The following ACACB variants were observed in gnomAD, a reference collection of about 807,000 sequenced individuals.
The protein encoded by ACACB is acetyl-CoA carboxylase beta.
In ACACB, 209 loss-of-function variants were observed where a neutral mutation model predicts 278.8. That is an observed-to-expected ratio of 0.75 (90% CI 0.67 to 0.84). The LOEUF is 0.84. Among genes scored for constraint, ACACB ranks in the 40% least tolerant of loss-of-function variants. The probability of loss-of-function intolerance (pLI) is 0.00; values close to 1 mark genes in which losing one functional copy is unlikely to be tolerated. For synonymous variants in ACACB, 1,174 were observed against 1,285.6 expected, an observed-to-expected ratio of 0.91 and a Z score of 1.86; for missense variants, 2,850 against 3,269.0, an observed-to-expected ratio of 0.87 and a Z score of 3.13.
intron 21 of ACACB, among the ~76,000 whole-genome samples, chr12:109,212,475 T>C (rs2045876853): frequency 6.6e-6 from 1 of 152,134 alleles, no homozygotes; most frequent in Non-Finnish European, 1.5e-5. Flanking sequence ...GAAGGTCCCA[T>C]CTGGGGGTGA....
intron 17 of ACACB, 88 bp downstream of exon 17, chr12:109,197,241 G>T: frequency 6.8e-7 from 1 of 1,480,382 alleles, no homozygotes; most frequent in Non-Finnish European, 9.0e-7. Context: ...CCTGTGTGCA[G>T]GTCCAAGGGT....
In ACACB at chr12:109,233,609, T is replaced by C. The variant is rs923798696; in HGVS notation, c.4140-139T>C. ...AGTAGACAGGGAACCTCCTGAGCTC[T>C]GTAGAGTTGGATAAGATCAAAGGGT... On this transcript the variant is annotated intron_variant, in intron 29 of 52. Transcript: ENST00000338432. 2.1e-5 allele frequency: 15 copies of C among 697,742 alleles called. No individual in the cohort carries two copies. In the Admixed American group the frequency reaches 4.0e-4, roughly 19 times the overall value. The allele number at this position is 697,742 out of a possible 1,614,324, so 43.2% of individuals were successfully genotyped here. A position where few individuals can be genotyped will look rare whatever the true frequency, so the allele number is the denominator to read the frequency against.
chr12:109,185,533 G>C (rs755763902), intron 11 of ACACB, 46 bp from the exon 12 acceptor site: 49 of 1,608,392 alleles, frequency 3.0e-5, no homozygotes, highest in Non-Finnish European at 3.9e-5. Flanking sequence ...TTGGGGCCGT[G>C]TTCTGGTAGG....
chr12:109,163,790 C>T (rs1233610180), intron 2 of ACACB, among the ~76,000 whole-genome samples: 1 of 152,158 alleles, frequency 6.6e-6, no homozygotes, highest in Non-Finnish European at 1.5e-5. Context: ...GCTGGGATTA[C>T]AGATGCACAC....
At chr12:109,174,060 C>T (rs1404096525) in intron 6 of ACACB, 72 bp from the exon 7 acceptor site, 16 of 1,345,928 alleles carry the variant, frequency 1.2e-5, no homozygotes, top group Admixed American at 1.0e-4. Context: ...ACCGTGCACT[C>T]GGTCGGCCTT....
intron 1 of ACACB, among the ~76,000 whole-genome samples, chr12:109,122,597 AGAT>A (rs1247485848): frequency 1.3e-5 from 2 of 148,224 alleles, no homozygotes; most frequent in South Asian, 2.2e-4. Flanking sequence ...AAAAAAAAAA[AGAT>A]GCTGAATACA....
chr12:109,137,888 C>CTTGTCT (rs1249086157), intron 1 of ACACB, among the ~76,000 whole-genome samples: 1 of 144,246 alleles, frequency 6.9e-6, no homozygotes, highest in East Asian at 2.3e-4. Context: ...CTGGGCTTTT[C>CTTGTCT]TTTTCTTTTT....
chr12:109,199,415 A>G lies in ACACB; in HGVS notation c.2641A>G (p.Ile881Val). 1.3e-6 allele frequency: 2 copies of G among 1,510,566 alleles called. No individual in the cohort carries two copies. Among genetic ancestry groups the G allele is most frequent in the Middle Eastern group, 1.8e-4 (1 of 5,694 alleles). The allele number at this position is 1,510,566 out of a possible 1,614,324, so 93.6% of individuals were successfully genotyped here. ...KEEVDSYRIT[I>V]GNKTCVFEKE... is the part of the protein sequence containing the mutation. Reference sequence around the variant, plus strand: ...CCTCTCTCCCAGTTACCGAATTACCATCGGCAATAAGACGTGTGTGTTTGA... The same window carrying G: ...CCTCTCTCCCAGTTACCGAATTACCGTCGGCAATAAGACGTGTGTGTTTGA... The change falls in exon 18 of 53, where the codon ATC (isoleucine) becomes GTC (valine). Residue 881 changes from isoleucine to valine, a missense_variant. Ile to Val is a conservative substitution (Grantham distance 29). Transcript: ENST00000338432.
Position 109,191,696 on chromosome 12 carries a change from C to G in ACACB, c.2228C>G (p.Thr743Ser), listed in dbSNP as rs1394021305. ...GAATACCTCATTAACCTCCTGGAGA[C>G]CGAGAGCTTCCAGAACAACGACATC... ...TVEYLINLLE[T>S]ESFQNNDIDT... The change falls in exon 14 of 53, where the codon ACC (threonine) becomes AGC (serine). Residue 743 changes from threonine (T) to serine (S), a missense_variant. Physicochemically the swap from Thr to Ser is moderately conservative, Grantham distance 58 (BLOSUM62 1). Transcript: ENST00000338432. 4 of 1,614,222 alleles carry G rather than the reference C, an allele frequency of 2.5e-6. No individual in the cohort carries two copies. Among genetic ancestry groups the G allele is most frequent in the Non-Finnish European group, 2.5e-6 (3 of 1,180,046 alleles).
rs779707974 is a variant in ACACB at position 109,191,755 on chromosome 12, A to G, written c.2287A>G (p.Lys763Glu). ...TGWLDYLIAE[K>E]VQAEKPDIML... is the part of the protein sequence containing the mutation. ...GTGGTTGGACTACCTCATTGCTGAG[A>G]AAGTGCAGGTAGGGAGTGAGCTGCC... Residue 763 changes from lysine (K) to glutamate (E), a missense_variant, in exon 14 of 53, where the codon AAA becomes GAA. Around this residue, in one of 3 missense-constraint regions of ACACB, gnomAD observed 2,265 missense variants for 2,561.3 expected, o/e 0.88. Transcript: ENST00000338432. The G allele has an allele frequency of 1.9e-6, 3 of 1,614,148 alleles. No homozygotes were observed. Among genetic ancestry groups the G allele is most frequent in the African/African-American group, 2.7e-5 (2 of 75,052 alleles).
At chr12:109,184,227 A>G (rs1396388372) in intron 11 of ACACB, among the ~76,000 whole-genome samples, 4 of 151,650 alleles carry the variant, frequency 2.6e-5, no homozygotes, top group African/African-American at 9.7e-5. Flanking sequence ...TAATTTTTAT[A>G]TTTTTAGTAG....
chr12:109,209,474 C>T (rs2045617908), intron 21 of ACACB, 121 bp downstream of exon 21: 3 of 1,011,152 alleles, frequency 3.0e-6, no homozygotes, highest in South Asian at 1.7e-5. Flanking sequence ...TATAGCCTAA[C>T]ATATCAGGGG....
chr12:109,167,654 T>TATATATATATATATATATATATATA (rs71079531), intron 3 of ACACB, among the ~76,000 whole-genome samples: 31 of 138,716 alleles, frequency 2.2e-4, no homozygotes, highest in South Asian at 4.6e-4. Context: ...TATATATATA[T>TATATATATATATATATATATATATA]TTCAGACAAA....
At chr12:109,237,116 T>TGA (rs776800789) in intron 33 of ACACB, 49 bp from the exon 34 acceptor site, 2 of 1,600,008 alleles carry the variant, frequency 1.2e-6, no homozygotes, top group Admixed American at 3.3e-5. Flanking sequence ...AGCTCCAACG[T>TGA]CACGCTGTGT....
chr12:109,204,963 C>T (rs564068871), intron 19 of ACACB, among the ~76,000 whole-genome samples: 1 of 152,240 alleles, frequency 6.6e-6, no homozygotes, highest in East Asian at 1.9e-4. Flanking sequence ...TCTCCTGCCT[C>T]AGACTCCCGG....
At chr12:109,261,881 A>G (rs1436841452) in intron 48 of ACACB, among the ~76,000 whole-genome samples, 1 of 137,922 alleles carries the variant, frequency 7.3e-6, no homozygotes, top group South Asian at 2.3e-4. Flanking sequence ...AAAAAAAAAC[A>G]AAAAAAAAAA....
At chr12:109,125,340 T>G (rs529120303) in intron 1 of ACACB, 234 of 152,328 alleles carry the variant, frequency 1.5e-3, no homozygotes, top group Non-Finnish European at 2.6e-3. Flanking sequence ...ATATCTCAGC[T>G]CATCATGTAC....
intron 17 of ACACB, among the ~76,000 whole-genome samples, chr12:109,198,711 C>A (rs140920533): frequency 0.013 from 1,916 of 152,086 alleles, 97 homozygotes; most frequent in Admixed American, 0.087. Context: ...GCCTCAAACT[C>A]CTGGGCTCAA....
chr12:109,246,072 A>G, intron 38 of ACACB, 107 bp from the exon 39 acceptor site: 1 of 1,322,134 alleles, frequency 7.6e-7, no homozygotes, highest in Non-Finnish European at 1.0e-6. Context: ...CCTGCGCAAC[A>G]GAGCAAGACC....
Sources: allele counts gnomAD v4.1 joint callset (sites outside exome capture counted in the v4.1 genomes callset), GRCh38; gene constraint gnomAD v4.1.1; regional missense constraint gnomAD v4.1.1; transcripts MANE v1.5; gene names NCBI Gene and HGNC (gene_info 2026-07-23, HGNC 2026-07-21).